TCF12: variants seen among roughly 807,000 people sequenced by gnomAD.
The protein encoded by TCF12 is transcription factor 12.
TCF12 carries 45 observed loss-of-function variants against 86.0 expected under a neutral mutation model. That is an observed-to-expected ratio of 0.52 (90% CI 0.41 to 0.67). The LOEUF is 0.67. Ranked by LOEUF, TCF12 falls within the 30% of genes least tolerant of loss-of-function variation. The pLI is 0.00. For missense variants in TCF12, 881 were observed against 859.9 expected (o/e 1.02, Z -0.31); for synonymous variants, 330 against 299.6 (o/e 1.10, Z -1.05).
intron 5 of TCF12, among the ~76,000 whole-genome samples, chr15:57,125,943 T>C (rs996678725): frequency 1.3e-5 from 2 of 152,040 alleles, no homozygotes; most frequent in Admixed American, 6.6e-5. Context: ...GGGAATCTGA[T>C]TTTAGGTCTG....
intron 3 of TCF12, 75 bp from the exon 4 acceptor site, chr15:57,063,675 A>C (rs1409841404): frequency 1.7e-5 from 21 of 1,217,678 alleles, no homozygotes; most frequent in Non-Finnish European, 2.5e-5. Context: ...GCTAAATTGT[A>C]CTCTGCTGTC....
intron 1 of TCF12, 61 bp from the exon 2 acceptor site, chr15:56,919,831 T>C (rs1357424569): frequency 6.8e-7 from 1 of 1,471,230 alleles, no homozygotes; most frequent in Non-Finnish European, 9.5e-7. Flanking sequence ...TACCTCTCTC[T>C]GTTCCCTCAC....
At chr15:57,277,871 T>C (rs1237824091) in intron 19 of TCF12, among the ~76,000 whole-genome samples, 8 of 151,738 alleles carry the variant, frequency 5.3e-5, no homozygotes, top group South Asian at 2.1e-4. Context: ...CCCTAGAAGA[T>C]TGAGGCTGCA....
At chr15:57,282,339 C>T in intron 19 of TCF12, 106 bp from the exon 20 acceptor site, 3 of 1,335,586 alleles carry the variant, frequency 2.2e-6, no homozygotes. Context: ...TGTGATGGTA[C>T]TTAGTATGGG....
intron 8 of TCF12, among the ~76,000 whole-genome samples, chr15:57,218,144 C>T (rs1463330762): frequency 6.6e-6 from 1 of 152,034 alleles, no homozygotes; most frequent in East Asian, 1.9e-4. Context: ...TAGGGGGTCC[C>T]TTATAGTATA....
At chr15:57,159,143 C>T (rs1313992077) in intron 5 of TCF12, among the ~76,000 whole-genome samples, 1 of 152,186 alleles carries the variant, frequency 6.6e-6, no homozygotes. Context: ...TGTGCAGGGT[C>T]TGTGTGAGGT....
intron 5 of TCF12, among the ~76,000 whole-genome samples, chr15:57,104,380 G>T (rs916750228): frequency 1.3e-5 from 2 of 149,640 alleles, no homozygotes; most frequent in Non-Finnish European, 3.0e-5. Flanking sequence ...TACTAAGCAC[G>T]TTGATTCTTC....
intron 8 of TCF12, among the ~76,000 whole-genome samples, chr15:57,226,176 A>G (rs1428678863): frequency 6.7e-6 from 1 of 150,140 alleles, no homozygotes. Context: ...CTGGGTTGGG[A>G]TATTCTTTTA....
At chr15:57,137,483 C>T (rs1328077284) in intron 5 of TCF12, among the ~76,000 whole-genome samples, 2 of 152,102 alleles carry the variant, frequency 1.3e-5, no homozygotes, top group African/African-American at 4.8e-5. Context: ...AGAAGTTACT[C>T]ATCTAAATTG....
intron 8 of TCF12, among the ~76,000 whole-genome samples, chr15:57,224,142 G>T (rs769451862): frequency 2.0e-5 from 3 of 150,908 alleles, no homozygotes; most frequent in Non-Finnish European, 4.5e-5. Context: ...TGTTGTCACT[G>T]GTCAACTTTA....
chr15:57,259,714 G>A (rs1545728), intron 16 of TCF12, among the ~76,000 whole-genome samples: 63,129 of 152,076 alleles, frequency 0.42, 15,038 homozygotes, highest in Non-Finnish European at 0.54. Flanking sequence ...CCCTAACAGC[G>A]GCAGCCTGTC....
At chr15:57,168,576 T>C (rs2055073312) in intron 6 of TCF12, among the ~76,000 whole-genome samples, 1 of 152,212 alleles carries the variant, frequency 6.6e-6, no homozygotes, top group South Asian at 2.1e-4. Flanking sequence ...CATTCTTTTT[T>C]ATGATACAAG....
intron 12 of TCF12, among the ~76,000 whole-genome samples, chr15:57,239,850 G>A (rs2059539976): frequency 6.6e-6 from 1 of 152,098 alleles, no homozygotes; most frequent in African/African-American, 2.4e-5. Context: ...AAAAAATTTG[G>A]GTTTGGACAT....
In TCF12 at chr15:57,254,927, GTAATGAAATAATTTTAATGGTA is replaced by G. The variant is rs559141487; in HGVS notation, c.1467+1464_1467+1485del. Among the ~76,000 whole-genome samples, 95 of 150,970 alleles carry G rather than the reference GTAATGAAATAATTTTAATGGTA, an allele frequency of 6.3e-4. No homozygotes were observed. The South Asian group carries it at 0.02, about 31-fold the overall frequency. On this transcript the variant is annotated intron_variant, in intron 16 of 20. Coordinates refer to ENST00000333725, the MANE Select transcript of TCF12 (RefSeq NM_207037.2). Reference sequence around the variant, plus strand: ...GGTATTGTTATCACTGCTGGTAATAGTAATGAAATAATTTTAATGGTATAATAAAAGGAATTTGTTACAAATG... The same window carrying G: ...GGTATTGTTATCACTGCTGGTAATAGTAATAAAAGGAATTTGTTACAAATG...
chr15:56,965,427 T>G (rs1374061484), intron 3 of TCF12, among the ~76,000 whole-genome samples: 1 of 152,214 alleles, frequency 6.6e-6, no homozygotes, highest in Non-Finnish European at 1.5e-5. Flanking sequence ...ATTACAAACT[T>G]GGGAAGTTTT....
chr15:56,976,229 T>C (rs1291249912), intron 3 of TCF12, among the ~76,000 whole-genome samples: 3 of 130,134 alleles, frequency 2.3e-5, no homozygotes, highest in African/African-American at 8.7e-5. Context: ...AGTTTCTTTT[T>C]TTTTTTTTTT....
intron 3 of TCF12, among the ~76,000 whole-genome samples, chr15:57,048,234 G>GT (rs560607201): frequency 6.6e-6 from 1 of 151,736 alleles, no homozygotes; most frequent in African/African-American, 2.4e-5. Flanking sequence ...CTCCCCTGAA[G>GT]TTTTTTTGTT....
chr15:57,012,473 G>A (rs184890219), intron 3 of TCF12, among the ~76,000 whole-genome samples: 7 of 152,216 alleles, frequency 4.6e-5, no homozygotes, highest in Admixed American at 1.3e-4. Flanking sequence ...ACTCTTGTAC[G>A]CCGCATTGAT....
intron 3 of TCF12, among the ~76,000 whole-genome samples, chr15:56,939,461 T>C (rs2060628837): frequency 6.6e-6 from 1 of 152,186 alleles, no homozygotes; most frequent in South Asian, 2.1e-4. Flanking sequence ...AACAAAGTAT[T>C]TCTGTTGGGA....
Sources: gnomAD v4.1 joint callset for allele counts (sites outside exome capture counted in the v4.1 genomes callset) on GRCh38, gnomAD v4.1.1 for gene constraint, MANE v1.5 for transcripts, NCBI Gene and HGNC (gene_info 2026-07-23, HGNC 2026-07-21) for gene names.